C8orf34: variants seen among roughly 807,000 people sequenced by gnomAD.
The protein encoded by C8orf34 is uncharacterized protein C8orf34.
A neutral mutation model predicts 68.3 loss-of-function variants in C8orf34; 65 were observed. The observed-to-expected ratio is 0.95, with a 90% CI of 0.78 to 1.17. The LOEUF is 1.17. C8orf34 is among the 50% of genes most tolerant of loss of function. The pLI is 0.00. For missense variants in C8orf34, 664 were observed against 655.4 expected, an observed-to-expected ratio of 1.01 and a Z score of -0.14; for synonymous variants, 244 against 241.2, an observed-to-expected ratio of 1.01 and a Z score of -0.11.
intron 6 of C8orf34, among the ~76,000 whole-genome samples, chr8:68,526,980 C>A (rs1221717409): frequency 1.3e-5 from 2 of 152,130 alleles, no homozygotes; most frequent in Non-Finnish European, 2.9e-5. Flanking sequence ...GTGGGGTGAC[C>A]TCTTTAAACT....
intron 1 of C8orf34, among the ~76,000 whole-genome samples, chr8:68,384,205 G>C (rs183152007): frequency 6.6e-6 from 1 of 152,290 alleles, no homozygotes; most frequent in Non-Finnish European, 1.5e-5. Context: ...TGTCAATATA[G>C]AGTTCTCAAC....
intron 10 of C8orf34, among the ~76,000 whole-genome samples, chr8:68,742,797 A>G (rs1822342342): frequency 6.6e-6 from 1 of 152,302 alleles, no homozygotes; most frequent in East Asian, 1.9e-4. Flanking sequence ...ATATATTTCT[A>G]CATATCAAAA....
rs562517697 is a variant in C8orf34, at chr8:68,435,751, G to T, written c.328-3748G>T. Among the ~76,000 whole-genome samples the T allele has an allele frequency of 5.9e-5, 9 of 152,338 alleles. No individual in the cohort carries two copies. The East Asian group carries it at 1.7e-3, about 29-fold the overall frequency. On this transcript the variant is annotated intron_variant, in intron 1 of 13. Transcript: ENST00000518698. ...ATTCATTCCCAGCCTTAGAAAGGGT[G>T]TTAGTCCATCACAGAAGGCTACATA...
chr8:68,742,076 G>T lies in C8orf34; in HGVS notation c.1404+20639G>T, dbSNP rs528801053. Among the ~76,000 whole-genome samples the T allele has an allele frequency of 7.8e-3, 1,187 of 152,052 alleles. 19 individuals carry two copies. Among genetic ancestry groups the T allele is most frequent in the African/African-American group, 0.027 (1,125 of 41,426 alleles). ...CATAACCTAGTTTTATTCTTCTTCTGGACTTGAACTCCAGCGTGTCAGTGG... is the reference window on the plus strand; with the variant it reads ...CATAACCTAGTTTTATTCTTCTTCTTGACTTGAACTCCAGCGTGTCAGTGG... On this transcript the variant is annotated intron_variant, in intron 10 of 13. Coordinates refer to ENST00000518698, the MANE Select transcript of C8orf34 (RefSeq NM_052958.4).
At chr8:68,422,127 T>TC (rs1810006419) in intron 1 of C8orf34, among the ~76,000 whole-genome samples, 1 of 152,134 alleles carries the variant, frequency 6.6e-6, no homozygotes, top group Admixed American at 6.5e-5. Flanking sequence ...TGCTGGCCCC[T>TC]CCCAAATCTC....
At chr8:68,644,547 A>T (rs1465522584) in intron 8 of C8orf34, among the ~76,000 whole-genome samples, 2 of 152,220 alleles carry the variant, frequency 1.3e-5, no homozygotes, top group Non-Finnish European at 2.9e-5. Flanking sequence ...TAAGTATACC[A>T]AAACAGCATA....
chr8:68,685,810 G>A (rs1263875728), intron 8 of C8orf34, among the ~76,000 whole-genome samples: 1 of 151,844 alleles, frequency 6.6e-6, no homozygotes, highest in Non-Finnish European at 1.5e-5. Context: ...TGGGGAGGTT[G>A]AGGCTGCAGT....
intron 5 of C8orf34, among the ~76,000 whole-genome samples, chr8:68,497,854 G>A (rs1311086678): frequency 6.6e-6 from 1 of 152,078 alleles, no homozygotes; most frequent in Non-Finnish European, 1.5e-5. Flanking sequence ...GGGGAATGGA[G>A]TTTCGCTCTT....
chr8:68,401,791 AGTTTGCTAAT>A (rs1204490019), intron 1 of C8orf34, among the ~76,000 whole-genome samples: 9 of 151,672 alleles, frequency 5.9e-5, no homozygotes, highest in Non-Finnish European at 1.2e-4. Context: ...GTTGTGATTC[AGTTTGCTAAT>A]GTTTTATTGA....
chr8:68,736,194 C>T (rs1484518667), intron 10 of C8orf34, among the ~76,000 whole-genome samples: 1 of 152,164 alleles, frequency 6.6e-6, no homozygotes, highest in Non-Finnish European at 1.5e-5. Context: ...AAATGGTCGA[C>T]TTTTGATGTG....
At position 68,331,320 on chromosome 8, in the gene C8orf34, A is replaced by T; in HGVS notation, c.308A>T (p.Lys103Met). The part of the protein sequence containing the change: ...TRIQAYLEKN[K>M]IGPLFEELMT... ...ATCCAGGCTTACCTGGAGAAGAACA[A>T]GATCGGTCCCCTGTTTGAGGTAAGG... Residue 103 changes from lysine to methionine, a missense_variant, in exon 1 of 14, where the codon AAG (lysine) becomes ATG (methionine). Coordinates refer to ENST00000518698, the MANE Select transcript of C8orf34 (RefSeq NM_052958.4). 1 of 1,536,464 alleles carries T rather than the reference A, an allele frequency of 6.5e-7. No individual in the cohort carries two copies. Among genetic ancestry groups the T allele is most frequent in the Non-Finnish European group, 8.7e-7 (1 of 1,146,988 alleles).
At chr8:68,731,544 C>G (rs1821977701) in intron 10 of C8orf34, among the ~76,000 whole-genome samples, 1 of 152,036 alleles carries the variant, frequency 6.6e-6, no homozygotes, top group Admixed American at 6.5e-5. Flanking sequence ...ATATGAAAAG[C>G]CTTACATTCT....
At chr8:68,595,807 C>A (rs1333481206) in intron 7 of C8orf34, among the ~76,000 whole-genome samples, 1 of 152,100 alleles carries the variant, frequency 6.6e-6, no homozygotes, top group Non-Finnish European at 1.5e-5. Context: ...TATGTTCAGG[C>A]AGAAATGCTT....
intron 7 of C8orf34, among the ~76,000 whole-genome samples, chr8:68,605,466 C>G (rs1817827160): frequency 6.6e-6 from 1 of 152,016 alleles, no homozygotes; most frequent in Admixed American, 6.6e-5. Context: ...CTAAGATGTT[C>G]TTCAGTAGGT....
At chr8:68,781,531 A>AAATG (rs1823679818) in intron 11 of C8orf34, among the ~76,000 whole-genome samples, 6 of 152,224 alleles carry the variant, frequency 3.9e-5, no homozygotes. Flanking sequence ...TTCTTGTGGA[A>AAATG]AATGTATATC....
rs748574543 is a variant in C8orf34 at position 68,389,868 on chromosome 8, G to A, written c.328-49631G>A. Among the ~76,000 whole-genome samples the A allele has an allele frequency of 2.6e-5, 4 of 152,090 alleles. No homozygotes were observed. The South Asian group carries it at 8.3e-4, about 32-fold the overall frequency. On this transcript the variant is annotated intron_variant, in intron 1 of 13. Transcript: ENST00000518698. ...GAAAGCAAAATCTAGTTCAAGGACG[G>A]TTTCTTTAGATGAAAATTATGTTTA...
chr8:68,567,845 G>A (rs1372334627), intron 7 of C8orf34, among the ~76,000 whole-genome samples: 4 of 151,774 alleles, frequency 2.6e-5, no homozygotes, highest in Non-Finnish European at 4.4e-5. Flanking sequence ...GCTAACTGGT[G>A]AAGAGGCCTA....
intron 1 of C8orf34, among the ~76,000 whole-genome samples, chr8:68,381,790 AG>A (rs1395433229): frequency 6.7e-6 from 1 of 149,386 alleles, no homozygotes; most frequent in Non-Finnish European, 1.5e-5. Flanking sequence ...TTACAAATTG[AG>A]GATGATGTGT....
At chr8:68,479,404 A>AGT (rs970955194) in intron 4 of C8orf34, among the ~76,000 whole-genome samples, 7 of 81,318 alleles carry the variant, frequency 8.6e-5, no homozygotes, top group African/African-American at 3.2e-4. Context: ...ACAGAGAAAC[A>AGT]GTGAGAGAGA....
Sources: gnomAD v4.1 joint callset for allele counts (sites outside exome capture counted in the v4.1 genomes callset) on GRCh38, gnomAD v4.1.1 for gene constraint, MANE v1.5 for transcripts, NCBI Gene and HGNC (gene_info 2026-07-23, HGNC 2026-07-21) for gene names.